The following PNKD variants were observed in gnomAD, a reference collection of about 807,000 sequenced individuals.
PNKD encodes the protein probable thioesterase PNKD.
A neutral mutation model predicts 45.3 loss-of-function variants in PNKD; 36 were observed. The observed-to-expected ratio is 0.80, with a 90% CI of 0.61 to 1.05. The LOEUF (loss-of-function observed/expected upper bound fraction) is 1.05, where lower values mean the gene tolerates loss of function less well. Ranked by LOEUF, PNKD falls within the 50% of genes least tolerant of loss-of-function variation. The pLI is 0.00. For missense variants in PNKD, 511 were observed against 506.6 expected (o/e 1.01, Z -0.08); for synonymous variants, 197 against 210.1 (o/e 0.94, Z 0.54).
At chr2:218,313,173 T>A (rs560809290) in intron 2 of PNKD, among the ~76,000 whole-genome samples, 1 of 151,962 alleles carries the variant, frequency 6.6e-6, no homozygotes, top group African/African-American at 2.4e-5. Flanking sequence ...TGCAGTGGCG[T>A]GATCTTGGCT....
intron 2 of PNKD, among the ~76,000 whole-genome samples, chr2:218,335,341 C>T (rs915064023): frequency 6.6e-6 from 1 of 151,822 alleles, no homozygotes; most frequent in Non-Finnish European, 1.5e-5. Flanking sequence ...ATTAGACGGG[C>T]GTGGTGTCGC....
intron 2 of PNKD, among the ~76,000 whole-genome samples, chr2:218,329,077 C>G (rs927665305): frequency 2.0e-5 from 3 of 152,060 alleles, no homozygotes; most frequent in Non-Finnish European, 2.9e-5. Flanking sequence ...GGCATGGTCA[C>G]GCACCCCTGT....
At position 218,307,296 on chromosome 2, in the gene PNKD, G is replaced by C. The variant is rs186839502; in HGVS notation, c.237-32487G>C. Reference sequence around the variant, plus strand: ...AGCGCATTACATTTATTGTGCACTAGATTTCTATTATTATTACATTGTAAT... The same window carrying C: ...AGCGCATTACATTTATTGTGCACTACATTTCTATTATTATTACATTGTAAT... On this transcript the variant is annotated intron_variant, in intron 2 of 9. Coordinates refer to ENST00000273077, the MANE Select transcript of PNKD (RefSeq NM_015488.5). Among the ~76,000 whole-genome samples the C allele has an allele frequency of 1.8e-3, 279 of 152,222 alleles. 1 individual carries two copies. The highest frequency in any genetic ancestry group is 6.5e-3 in the African/African-American group (272 of 41,548).
intron 2 of PNKD, among the ~76,000 whole-genome samples, chr2:218,296,728 G>T (rs1430541741): frequency 1.3e-5 from 2 of 151,972 alleles, no homozygotes; most frequent in Non-Finnish European, 2.9e-5. Flanking sequence ...ACCACGGCTG[G>T]GGTGCAGTAG....
intron 2 of PNKD, among the ~76,000 whole-genome samples, chr2:218,304,679 A>G (rs1693363027): frequency 6.6e-6 from 1 of 152,228 alleles, no homozygotes; most frequent in Non-Finnish European, 1.5e-5. Flanking sequence ...TGGAAAGAGC[A>G]TGGAATTGGG....
intron 2 of PNKD, among the ~76,000 whole-genome samples, chr2:218,302,737 T>C (rs546387299): frequency 5.9e-5 from 9 of 152,304 alleles, no homozygotes; most frequent in African/African-American, 2.2e-4. Flanking sequence ...GAACCAAATA[T>C]GAGCGACTAT....
At chr2:218,321,623 C>CTTTTT (rs35315674) in intron 2 of PNKD, among the ~76,000 whole-genome samples, 8 of 93,844 alleles carry the variant, frequency 8.5e-5, no homozygotes, top group Admixed American at 1.3e-4. Context: ...GTGAGCTTGA[C>CTTTTT]TTTTTTTTTT....
intron 2 of PNKD, among the ~76,000 whole-genome samples, chr2:218,337,760 C>T (rs541154601): frequency 4.1e-4 from 63 of 152,236 alleles, no homozygotes; most frequent in Non-Finnish European, 6.6e-4. Context: ...AAGCGAGGAA[C>T]GGAGCACACT....
At chr2:218,323,087 G>C in intron 2 of PNKD, 1 of 1,056,960 alleles carries the variant, frequency 9.5e-7, no homozygotes, top group Admixed American at 4.5e-5. Context: ...GGTGGCCTTC[G>C]GGGTGCTTGC....
intron 2 of PNKD, among the ~76,000 whole-genome samples, chr2:218,291,821 G>A (rs941721953): frequency 1.3e-5 from 2 of 152,198 alleles, no homozygotes; most frequent in Non-Finnish European, 2.9e-5. Context: ...AACCCAGCCG[G>A]GAAACAGTGG....
At chr2:218,276,090 A>G (rs1248796204) in intron 2 of PNKD, 1 of 1,612,316 alleles carries the variant, frequency 6.2e-7, no homozygotes, top group Non-Finnish European at 8.5e-7. Flanking sequence ...CTGGAGAAGA[A>G]GGGGACAGAG....
intron 2 of PNKD, among the ~76,000 whole-genome samples, chr2:218,298,221 G>A (rs1486516891): frequency 6.6e-6 from 1 of 152,102 alleles, no homozygotes; most frequent in Non-Finnish European, 1.5e-5. Context: ...CAGGGCCAGC[G>A]AAATGCTTTC....
intron 9 of PNKD, 47 bp from the exon 10 acceptor site, chr2:218,344,761 C>T (rs1694781820): frequency 6.3e-7 from 1 of 1,588,986 alleles, no homozygotes; most frequent in Non-Finnish European, 8.6e-7. Flanking sequence ...TGTCTTGGGT[C>T]CATTTCCCAG....
At chr2:218,278,583 G>A (rs1287927188) in intron 2 of PNKD, 1 of 1,614,072 alleles carries the variant, frequency 6.2e-7, no homozygotes. Context: ...CAAAGAGATG[G>A]GGAAGCAGTT....
intron 2 of PNKD, chr2:218,323,401 C>A (rs532690040): frequency 2.0e-5 from 31 of 1,576,610 alleles, no homozygotes; most frequent in African/African-American, 2.7e-5. Flanking sequence ...CTGCTCATGG[C>A]GCACAGCCAG....
chr2:218,281,080 G>C (rs1691889854), intron 2 of PNKD: 1 of 150,240 alleles, frequency 6.7e-6, no homozygotes, highest in Non-Finnish European at 1.5e-5. Context: ...TGAGATTACA[G>C]GCATGAGCCA....
chr2:218,339,247 C>A (rs913906203), intron 2 of PNKD, among the ~76,000 whole-genome samples: 3 of 152,118 alleles, frequency 2.0e-5, no homozygotes, highest in Non-Finnish European at 4.4e-5. Flanking sequence ...CTAGATTAAA[C>A]CCCTCACTCT....
rs1000286203 is a variant in PNKD at position 218,276,914 on chromosome 2, G to A, written c.236+5365G>A. 4.0e-5 allele frequency: 43 copies of A among 1,072,058 alleles called. No homozygotes were observed. In the Admixed American group the frequency reaches 5.1e-4, roughly 13 times the overall value. 66.4% of individuals were successfully genotyped at this position (1,072,058 alleles called of 1,614,324 possible). Reference sequence around the variant, plus strand: ...GGTTCTGGAGGTCAGAGCCTGCCCCGGGGACCTTTGGGGCCTGCGAGACCA... The same window carrying A: ...GGTTCTGGAGGTCAGAGCCTGCCCCAGGGACCTTTGGGGCCTGCGAGACCA... On this transcript the variant is annotated intron_variant, in intron 2 of 9. Coordinates refer to ENST00000273077, the MANE Select transcript of PNKD (RefSeq NM_015488.5).
At chr2:218,280,341 G>A (rs78376547) in intron 2 of PNKD, 5 of 505,772 alleles carry the variant, frequency 9.9e-6, no homozygotes, top group Admixed American at 3.3e-5. Context: ...CGTTCCTCAC[G>A]TGCATCTGTG....
Sources: gnomAD v4.1 joint callset for allele counts (sites outside exome capture counted in the v4.1 genomes callset) on GRCh38, gnomAD v4.1.1 for gene constraint, MANE v1.5 for transcripts, NCBI Gene and HGNC (gene_info 2026-07-23, HGNC 2026-07-21) for gene names.